SUSD4: variants seen among roughly 807,000 people sequenced by gnomAD.
The protein encoded by SUSD4 is sushi domain-containing protein 4.
Under a neutral mutation model 50.5 loss-of-function variants are expected in SUSD4, and 41 were observed. The observed-to-expected ratio is 0.81, with a 90% CI of 0.63 to 1.05. The LOEUF is 1.05. Among genes scored for constraint, SUSD4 ranks in the 50% least tolerant of loss-of-function variants. SUSD4 has a pLI of 0.00. For missense variants in SUSD4, 580 were observed against 634.7 expected, an observed-to-expected ratio of 0.91 and a Z score of 0.93; for synonymous variants, 257 against 257.3, an observed-to-expected ratio of 1.00 and a Z score of 0.01.
At chr1:223,248,922 A>G (rs1661119422) in intron 5 of SUSD4, among the ~76,000 whole-genome samples, 1 of 152,158 alleles carries the variant, frequency 6.6e-6, no homozygotes, top group Non-Finnish European at 1.5e-5. Flanking sequence ...GCCACAGAGG[A>G]GCACACAGGT....
intron 3 of SUSD4, among the ~76,000 whole-genome samples, chr1:223,277,571 T>TA (rs1022989674): frequency 1.3e-5 from 2 of 152,062 alleles, no homozygotes; most frequent in Non-Finnish European, 2.9e-5. Context: ...GGGCTCCCAC[T>TA]ACCCAGAACA....
At chr1:223,363,237 G>A in intron 2 of SUSD4, 41 bp downstream of exon 2, 2 of 1,509,280 alleles carry the variant, frequency 1.3e-6, no homozygotes, top group South Asian at 1.4e-5. Context: ...TCTCCCCTCT[G>A]GGCCATCCCC....
intron 5 of SUSD4, among the ~76,000 whole-genome samples, chr1:223,242,856 G>A (rs1377163383): frequency 6.6e-6 from 1 of 152,172 alleles, no homozygotes; most frequent in African/African-American, 2.4e-5. Flanking sequence ...CCTGCCACAG[G>A]GTGAAGTCGC....
intron 3 of SUSD4, among the ~76,000 whole-genome samples, chr1:223,271,615 C>T (rs1662926889): frequency 6.6e-6 from 1 of 152,092 alleles, no homozygotes; most frequent in Non-Finnish European, 1.5e-5. Context: ...GGAATGAGTA[C>T]AAAACAAACA....
intron 3 of SUSD4, among the ~76,000 whole-genome samples, chr1:223,277,501 T>G (rs1313303135): frequency 6.6e-6 from 1 of 152,024 alleles, no homozygotes; most frequent in Non-Finnish European, 1.5e-5. Flanking sequence ...GAAATTACCT[T>G]GGATCCCTTG....
chr1:223,233,635 C>T (rs1167445146), intron 5 of SUSD4, among the ~76,000 whole-genome samples: 1 of 152,160 alleles, frequency 6.6e-6, no homozygotes, highest in Non-Finnish European at 1.5e-5. Flanking sequence ...ACATGGTTGG[C>T]GTTTGAAATA....
chr1:223,225,626 A>C lies in SUSD4; in HGVS notation c.1061+1968T>G, dbSNP rs568596434. 2.4e-3 allele frequency among the ~76,000 whole-genome samples: 363 copies of C among 152,200 alleles called. 2 individuals are homozygous for C. The highest frequency in any genetic ancestry group is 0.017 in the Middle Eastern group (5 of 294). ...AATGATGCTCCCTTCCTCTCCGGCC[A>C]CTTCACTGTCTTGTGCTGGCCTCCT... On this transcript the variant is annotated intron_variant, in intron 7 of 8. Transcript: ENST00000366878.
chr1:223,325,408 T>A (rs994531958), intron 2 of SUSD4, among the ~76,000 whole-genome samples: 11 of 152,230 alleles, frequency 7.2e-5, no homozygotes, highest in Middle Eastern at 3.4e-3. Context: ...AGAAAATTCA[T>A]AATTCATATC....
intron 5 of SUSD4, among the ~76,000 whole-genome samples, chr1:223,259,183 T>C (rs763598136): frequency 6.6e-6 from 1 of 152,238 alleles, no homozygotes; most frequent in African/African-American, 2.4e-5. Context: ...AAATGTTGGC[T>C]GAATGAAACC....
Position 223,231,636 on chromosome 1 carries a change from C to G in SUSD4, c.725-2248G>C, listed in dbSNP as rs1473501799. Among the ~76,000 whole-genome samples the G allele has an allele frequency of 6.6e-6, 1 of 152,230 alleles. No individual in the cohort carries two copies. The highest frequency in any genetic ancestry group is 1.5e-5 in the Non-Finnish European group (1 of 68,050). ...AAAGGGAAGGACAGCTGATGAGGAA[C>G]AGGGAGAGAGAAAAAGGCACTGGCC... is the stretch of plus-strand genomic sequence containing the variant. On this transcript the variant is annotated intron_variant, in intron 5 of 8. Coordinates refer to ENST00000366878, the MANE Select transcript of SUSD4 (RefSeq NM_017982.4). The surrounding 1 kb of genome is among the most constrained non-coding windows in gnomAD (Gnocchi z 4.2).
At chr1:223,252,236 A>AAAAAAATATAT (rs1343732568) in intron 5 of SUSD4, among the ~76,000 whole-genome samples, 46 of 89,692 alleles carry the variant, frequency 5.1e-4, no homozygotes, top group African/African-American at 1.8e-3. Flanking sequence ...AAAAAAAAAA[A>AAAAAAATATAT]ATATATATAT....
At chr1:223,311,849 G>T (rs1239244448) in intron 2 of SUSD4, among the ~76,000 whole-genome samples, 1 of 152,124 alleles carries the variant, frequency 6.6e-6, no homozygotes, top group Non-Finnish European at 1.5e-5. Flanking sequence ...GTGAAACAGG[G>T]GCTTGCATTG....
At chr1:223,300,566 G>A (rs1665123107) in intron 2 of SUSD4, among the ~76,000 whole-genome samples, 1 of 151,968 alleles carries the variant, frequency 6.6e-6, no homozygotes, top group Non-Finnish European at 1.5e-5. Context: ...GAGGAAGAGT[G>A]TATCAAATGT....
Position 223,332,998 on chromosome 1 carries a change from G to A in SUSD4, c.148+30280C>T, listed in dbSNP as rs1667259548. 6.6e-6 allele frequency among the ~76,000 whole-genome samples: 1 copy of A among 152,142 alleles called. No individual in the cohort carries two copies. The highest frequency in any genetic ancestry group is 1.5e-5 in the Non-Finnish European group (1 of 68,020). On this transcript the variant is annotated intron_variant, in intron 2 of 8. Coordinates refer to ENST00000366878, the MANE Select transcript of SUSD4 (RefSeq NM_017982.4). The surrounding 1 kb of genome is among the most constrained non-coding windows in gnomAD (Gnocchi z 4.0). The stretch of plus-strand genomic sequence containing the variant: ...CCTCCTCTCCCACACAGTTGTCCTG[G>A]GGAAATCATGTCAGCACCAGGTGCA...
chr1:223,355,978 AC>A (rs1194156333), intron 2 of SUSD4, among the ~76,000 whole-genome samples: 1 of 152,212 alleles, frequency 6.6e-6, no homozygotes, highest in Admixed American at 6.5e-5. Flanking sequence ...TGGGGCCTGC[AC>A]ATGCCTCTGT....
At chr1:223,363,875 C>A (rs1669155797) in intron 1 of SUSD4, 182 bp downstream of exon 1, 1 of 154,764 alleles carries the variant, frequency 6.5e-6, no homozygotes, top group African/African-American at 2.4e-5. Context: ...CCAGCTACTT[C>A]TCTGGTTTTC....
chr1:223,322,386 T>C (rs966464016), intron 2 of SUSD4, among the ~76,000 whole-genome samples: 1 of 152,170 alleles, frequency 6.6e-6, no homozygotes, highest in East Asian at 1.9e-4. Flanking sequence ...TTTCTAAGAG[T>C]TCGTGTCCTA....
At chr1:223,255,270 A>G (rs1661608896) in intron 5 of SUSD4, among the ~76,000 whole-genome samples, 1 of 152,208 alleles carries the variant, frequency 6.6e-6, no homozygotes, top group Non-Finnish European at 1.5e-5. Context: ...ATAAGATCTA[A>G]AAATCCTGTA....
At position 223,227,742 on chromosome 1, in the gene SUSD4, C is replaced by G; in HGVS notation, c.917-4G>C. 1.9e-6 allele frequency: 3 copies of G among 1,608,916 alleles called. No individual in the cohort carries two copies. Among genetic ancestry groups the G allele is most frequent in the Non-Finnish European group, 2.5e-6 (3 of 1,177,180 alleles). The stretch of plus-strand genomic sequence containing the variant: ...TGGGTGCTGGGCCACGTTTGCTCTG[C>G]ATGAGGGAGAACAAAGCTGTACGTG... On this transcript the variant is annotated splice_polypyrimidine_tract_variant and splice_region_variant and intron_variant, in intron 6 of 8. Coordinates refer to ENST00000366878, the MANE Select transcript of SUSD4 (RefSeq NM_017982.4). The surrounding 1 kb of genome is among the most constrained non-coding windows in gnomAD (Gnocchi z 4.5).
Sources: gnomAD v4.1 joint callset for allele counts (sites outside exome capture counted in the v4.1 genomes callset) on GRCh38, gnomAD v4.1.1 for gene constraint, Gnocchi (gnomAD v3.1) non-coding constraint, MANE v1.5 for transcripts, NCBI Gene and HGNC (gene_info 2026-07-23, HGNC 2026-07-21) for gene names.